Variants in SPATA24 observed in about 807,000 individuals in gnomAD.
The protein encoded by SPATA24 is spermatogenesis associated 24.
SPATA24 carries 21 observed loss-of-function variants against 28.9 expected under a neutral mutation model. That is an observed-to-expected ratio of 0.73 (90% CI 0.52 to 1.05). The LOEUF (loss-of-function observed/expected upper bound fraction) is 1.05. Among genes scored for constraint, SPATA24 ranks in the 50% least tolerant of loss-of-function variants. The pLI is 0.00. For missense variants in SPATA24, 215 were observed against 242.9 expected, an observed-to-expected ratio of 0.88 and a Z score of 0.76; for synonymous variants, 76 against 89.9, an observed-to-expected ratio of 0.85 and a Z score of 0.88.
At chr5:139,396,576 C>T (rs1417257993), downstream of SPATA24, 2 of 1,364,656 alleles carry the variant, frequency 1.5e-6, no homozygotes, top group East Asian at 3.0e-5. Context: ...ACTGGGTAAC[C>T]AGGGCTGTTT....
chr5:139,395,120 G>C, downstream of SPATA24: 1 of 1,380,932 alleles, frequency 7.2e-7, no homozygotes, highest in South Asian at 1.7e-5. Context: ...CCTCGCATTC[G>C]CCTCCGCTGG....
At position 139,402,005 on chromosome 5, in the gene SPATA24, G is replaced by A. The variant is rs745716164; in HGVS notation, c.224C>T (p.Ala75Val). 30 of 1,551,368 alleles carry A rather than the reference G, an allele frequency of 1.9e-5. No individual in the cohort carries two copies. Among genetic ancestry groups the A allele is most frequent in the African/African-American group, 2.7e-5 (2 of 72,940 alleles). ...AAHAKTKVLL[A>V]KEEEKLQFAL... ...AAACTGTAACTTCTCCTCTTCCTTG[G>A]CCAGGAGGACCTTGGTTTTGGCATG... is the stretch of plus-strand genomic sequence containing the variant. The change falls in exon 3 of 6, where the codon GCC (alanine) becomes GTC (valine). Residue 75 changes from alanine to valine, a missense_variant. Physicochemically the swap from Ala to Val is moderately conservative, Grantham distance 64 (BLOSUM62 0). Transcript: ENST00000450845.
downstream of SPATA24, chr5:139,394,947 G>T: frequency 6.6e-7 from 1 of 1,521,360 alleles, no homozygotes; most frequent in South Asian, 1.2e-5. Context: ...CCGGCCCAAC[G>T]TCCGGGGGCT....
intron 4 of SPATA24, among the ~76,000 whole-genome samples, chr5:139,400,783 GATATTTT>G: frequency 6.6e-6 from 1 of 151,860 alleles, no homozygotes; most frequent in East Asian, 1.9e-4. Context: ...GCAGCCCACA[GATATTTT>G]ACTTGGCCTA....
At chr5:139,393,016 G>A (rs946487506), downstream of SPATA24, 2 of 1,522,678 alleles carry the variant, frequency 1.3e-6, no homozygotes, top group South Asian at 1.2e-5. Context: ...CGGCACCACC[G>A]GTAGAAAATC....
At chr5:139,400,992 A>C (rs1413288787) in intron 4 of SPATA24, among the ~76,000 whole-genome samples, 1 of 152,026 alleles carries the variant, frequency 6.6e-6, no homozygotes, top group African/African-American at 2.4e-5. Context: ...CCTCATCTCT[A>C]CTAAAAATAC....
At chr5:139,392,705 G>C (rs1435354461), downstream of SPATA24, 2 of 1,391,102 alleles carry the variant, frequency 1.4e-6, no homozygotes, top group Admixed American at 7.2e-5. The surrounding 1 kb of genome is among the most constrained non-coding windows in gnomAD (Gnocchi z 5.8). Context: ...ACCCCTGCTG[G>C]CCCTACGGGG....
Position 139,397,032 on chromosome 5 carries a change from AC to A in SPATA24, c.488+8del. 2 of 1,551,586 alleles carry A rather than the reference AC, an allele frequency of 1.3e-6. No homozygotes were observed. Among genetic ancestry groups the A allele is most frequent in the Non-Finnish European group, 1.7e-6 (2 of 1,146,956 alleles). On this transcript the variant is annotated splice_region_variant and intron_variant, in intron 5 of 5. Coordinates refer to ENST00000450845, the MANE Select transcript of SPATA24 (RefSeq NM_194296.2). ...ATCAACAACCCCCAGCCGGGCCCAG[AC>A]CCCTCACCTGAAGATCTGTTTCTGC... is the stretch of plus-strand genomic sequence containing the variant.
chr5:139,403,489 A>C (rs1199241205), intron 1 of SPATA24, among the ~76,000 whole-genome samples: 2 of 152,230 alleles, frequency 1.3e-5, no homozygotes, highest in African/African-American at 4.8e-5. Flanking sequence ...GCAAAAGCTA[A>C]GGCATGTAAA....
At position 139,404,009 on chromosome 5, in the gene SPATA24, C is replaced by T. The variant is rs1466176463; in HGVS notation, c.52G>A (p.Ala18Thr). 2.6e-6 allele frequency: 4 copies of T among 1,551,918 alleles called. No homozygotes were observed. Among genetic ancestry groups the T allele is most frequent in the Non-Finnish European group, 3.5e-6 (4 of 1,147,056 alleles). ...ATCACGTCCCGCAGTTGATCTAAAG[C>T]GAGACACACAGATCCTGACCCCGCC... ...SKAGSGSVCLALDQLRDVIES... is the reference protein window; with the variant it reads ...SKAGSGSVCLTLDQLRDVIES... Residue 18 changes from alanine (A) to threonine (T), a missense_variant, in exon 1 of 6, where the codon GCT becomes ACT. By Grantham distance (58) the Ala-to-Thr change is moderately conservative. Coordinates refer to ENST00000450845, the MANE Select transcript of SPATA24 (RefSeq NM_194296.2).
At chr5:139,402,155 AG>A in intron 2 of SPATA24, 110 bp from the exon 3 acceptor site, 1 of 1,351,782 alleles carries the variant, frequency 7.4e-7, no homozygotes, top group South Asian at 1.5e-5. Context: ...GAGCACAGGG[AG>A]ATTCTGGCCA....
At chr5:139,396,270 C>T, downstream of SPATA24, 2 of 985,432 alleles carry the variant, frequency 2.0e-6, no homozygotes, top group Non-Finnish European at 2.4e-6. Flanking sequence ...TCCAGCCCTG[C>T]CTGTGCAACT....
At chr5:139,394,796 G>C (rs1758666255), downstream of SPATA24, 1 of 1,528,546 alleles carries the variant, frequency 6.5e-7, no homozygotes, top group African/African-American at 1.4e-5. Context: ...GGTGGCCGTG[G>C]GCCGGAACCT....
At chr5:139,393,768 T>G (rs980529255), downstream of SPATA24, 8 of 1,551,402 alleles carry the variant, frequency 5.2e-6, no homozygotes, top group Non-Finnish European at 7.0e-6. Flanking sequence ...GATTTTGATT[T>G]TCCCACTCGG....
downstream of SPATA24, chr5:139,396,291 G>C: frequency 1.0e-6 from 1 of 985,368 alleles, no homozygotes; most frequent in Non-Finnish European, 1.2e-6. Context: ...TGTGCAAATT[G>C]AGGTCCCTTC....
At chr5:139,392,607 G>T (rs962076106), downstream of SPATA24, 2 of 1,370,394 alleles carry the variant, frequency 1.5e-6, no homozygotes, top group Non-Finnish European at 9.4e-7. This position sits in a 1 kb window ranked among gnomAD's most constrained non-coding sequence, Gnocchi z 5.8. Flanking sequence ...CCGCGGGCTC[G>T]GGGGCCGTAG....
At chr5:139,395,129 G>A, downstream of SPATA24, 1 of 1,378,182 alleles carries the variant, frequency 7.3e-7, no homozygotes, top group Non-Finnish European at 9.4e-7. Context: ...CGCCTCCGCT[G>A]GTGGCGCCGG....
chr5:139,395,229 G>A, downstream of SPATA24: 1 of 741,732 alleles, frequency 1.3e-6, no homozygotes, highest in Non-Finnish European at 2.0e-6. Flanking sequence ...GCCGGCAGCA[G>A]AAAAGACCTG....
At chr5:139,402,926 A>C (rs1758856234) in intron 1 of SPATA24, among the ~76,000 whole-genome samples, 1 of 152,222 alleles carries the variant, frequency 6.6e-6, no homozygotes, top group Admixed American at 6.5e-5. Context: ...CACTTCTAAC[A>C]TGTTGTGTGC....
Sources: gnomAD v4.1 joint callset for allele counts (sites outside exome capture counted in the v4.1 genomes callset) on GRCh38, gnomAD v4.1.1 for gene constraint, Gnocchi (gnomAD v3.1) non-coding constraint, MANE v1.5 for transcripts, NCBI Gene and HGNC (gene_info 2026-07-23, HGNC 2026-07-21) for gene names.